The following MYO15A variants were observed in gnomAD, a reference collection of about 807,000 sequenced individuals.
The protein encoded by MYO15A is myosin XVA.
A neutral mutation model predicts 394.6 loss-of-function variants in MYO15A; 308 were observed. The observed-to-expected ratio is 0.78, with a 90% CI of 0.71 to 0.86. The LOEUF (loss-of-function observed/expected upper bound fraction) is 0.86, where lower values mean the gene tolerates loss of function less well. MYO15A is among the 40% of genes least tolerant of loss of function. The pLI, the probability that MYO15A is intolerant of heterozygous loss-of-function variation, is 0.00. For missense variants in MYO15A, 4,606 were observed against 4,799.1 expected (o/e 0.96, Z 1.19); for synonymous variants, 1,957 against 2,003.8 (o/e 0.98, Z 0.62).
rs778098806 is a variant in MYO15A at position 18,151,502 on chromosome 17, C to T, written c.7762C>T (p.Arg2588Trp). 68 of 1,614,194 alleles carry T rather than the reference C, an allele frequency of 4.2e-5. No individual in the cohort carries two copies. Among genetic ancestry groups the T allele is most frequent in the East Asian group, 6.7e-5 (3 of 44,874 alleles). ...NIVRQYQQPF[R>W]GGRPEALRKD... ...TGTCAGGCAGTACCAGCAGCCGTTC[C>T]GGGGAGGCCGGCCTGAGGCCCTCAG... Residue 2588 changes from arginine to tryptophan, a missense_variant, in exon 40 of 66, where the codon CGG becomes TGG. Physicochemically the swap from Arg to Trp is moderately radical, Grantham distance 101. Transcript: ENST00000647165.
chr17:18,150,309 A>G lies in MYO15A; in HGVS notation c.7213-120A>G, dbSNP rs2142366793. ...CTGAGCATACAGCAGACACTGAGCCAGTGGGAGGCTGCCCCCTCCCACGAG... is the reference window on the plus strand; with the variant it reads ...CTGAGCATACAGCAGACACTGAGCCGGTGGGAGGCTGCCCCCTCCCACGAG... On this transcript the variant is annotated intron_variant, in intron 35 of 65. Coordinates refer to ENST00000647165, the MANE Select transcript of MYO15A (RefSeq NM_016239.4). The surrounding 1 kb of genome is among the most constrained non-coding windows in gnomAD (Gnocchi z 4.4). 1.2e-6 allele frequency: 1 copy of G among 846,812 alleles called. No homozygotes were observed. The highest frequency in any genetic ancestry group is 2.0e-6 in the Non-Finnish European group (1 of 500,848). The allele number at this position is 846,812 out of a possible 1,614,324, so 52.5% of individuals were successfully genotyped here. A position where few individuals can be genotyped will look rare whatever the true frequency, so the allele number is the denominator to read the frequency against.
rs2046600089 is a variant in MYO15A, at chr17:18,152,318, T to C, written c.7966+134T>C. On this transcript the variant is annotated intron_variant, in intron 42 of 65. Transcript: ENST00000647165. ...TGTGTACATCTTGTGAGCACATTGG[T>C]GTAATTATAATGTCAATACTTAAGT... 8 of 885,180 alleles carry C rather than the reference T, an allele frequency of 9.0e-6. No homozygotes were observed. The South Asian group carries it at 1.0e-4, about 12-fold the overall frequency. 54.8% of individuals were successfully genotyped at this position (885,180 alleles called of 1,614,324 possible). A position where few individuals can be genotyped will look rare whatever the true frequency, so the allele number is the denominator to read the frequency against.
At chr17:18,166,849 A>G (rs1046044080) in intron 61 of MYO15A, among the ~76,000 whole-genome samples, 1 of 152,066 alleles carries the variant, frequency 6.6e-6, no homozygotes. Context: ...TCCTCTGAAC[A>G]TGGGCCTGTC....
At chr17:18,176,386 G>A (rs991841713) in intron 65 of MYO15A, among the ~76,000 whole-genome samples, 5 of 152,070 alleles carry the variant, frequency 3.3e-5, no homozygotes, top group East Asian at 1.9e-4. Flanking sequence ...CCAAACAGCC[G>A]TCTCTCGTGT....
intron 1 of MYO15A, among the ~76,000 whole-genome samples, chr17:18,113,036 A>G (rs550084508): frequency 6.6e-6 from 1 of 152,114 alleles, no homozygotes; most frequent in Non-Finnish European, 1.5e-5. Flanking sequence ...TTTAGTAGAG[A>G]TGGGGTTTCA....
intron 65 of MYO15A, among the ~76,000 whole-genome samples, chr17:18,174,980 C>T (rs2046993910): frequency 6.6e-6 from 1 of 152,142 alleles, no homozygotes; most frequent in African/African-American, 2.4e-5. Flanking sequence ...TAATGCACTC[C>T]TCACCACACC....
chr17:18,140,452 C>A, intron 19 of MYO15A, 65 bp from the exon 20 acceptor site: 1 of 1,607,942 alleles, frequency 6.2e-7, no homozygotes, highest in Non-Finnish European at 8.5e-7. Flanking sequence ...CCTGCTCTCT[C>A]TTCCTCCTCA....
rs767941041 is a variant in MYO15A, at chr17:18,119,306, C to A, written c.506C>A (p.Ser169Tyr). The A allele has an allele frequency of 6.0e-5, 96 of 1,610,916 alleles. No homozygotes were observed. The highest frequency in any genetic ancestry group is 8.1e-5 in the Non-Finnish European group (96 of 1,179,710). The change falls in exon 2 of 66, where the codon TCC becomes TAC. Residue 169 changes from serine to tyrosine, a missense_variant. By Grantham distance (144) the Ser-to-Tyr change is moderately radical. Around this residue, in one of 2 missense-constraint regions of MYO15A, gnomAD observed 1,830 missense variants for 1,689.7 expected, o/e 1.08. Coordinates refer to ENST00000647165, the MANE Select transcript of MYO15A (RefSeq NM_016239.4). ...CAGCGCTCGAGCTCCCGCATGGGCTCCCGCAAACTCCCCTTCCCGTCGGGT... is the reference window on the plus strand; with the variant it reads ...CAGCGCTCGAGCTCCCGCATGGGCTACCGCAAACTCCCCTTCCCGTCGGGT... ...WLQRSSSRMGSRKLPFPSGAE... is the reference protein window; with the variant it reads ...WLQRSSSRMGYRKLPFPSGAE...
intron 4 of MYO15A, 96 bp downstream of exon 4, chr17:18,125,327 A>G (rs753691148): frequency 8.2e-5 from 99 of 1,206,876 alleles, no homozygotes; most frequent in Non-Finnish European, 1.2e-4. Context: ...TGTGGGCCCT[A>G]GCCCCTGTGG....
chr17:18,141,588 C>T, intron 22 of MYO15A, 65 bp from the exon 23 acceptor site: 1 of 1,479,012 alleles, frequency 6.8e-7, no homozygotes, highest in South Asian at 1.1e-5. Flanking sequence ...GGCAGTAACC[C>T]CATGGTCTAG....
intron 64 of MYO15A, chr17:18,172,573 A>C: frequency 2.1e-6 from 1 of 487,608 alleles, no homozygotes; most frequent in Non-Finnish European, 3.8e-6. Context: ...GCCATAATAA[A>C]AGACCACAGA....
Position 18,132,702 on chromosome 17 carries a change from T to G in MYO15A, c.4320+136T>G. The G allele has an allele frequency of 1.3e-6, 1 of 745,888 alleles. No homozygotes were observed. The highest frequency in any genetic ancestry group is 2.3e-6 in the Non-Finnish European group (1 of 431,118). 46.2% of individuals were successfully genotyped at this position (745,888 alleles called of 1,614,324 possible). On this transcript the variant is annotated intron_variant, in intron 11 of 65. Coordinates refer to ENST00000647165, the MANE Select transcript of MYO15A (RefSeq NM_016239.4). This position sits in a 1 kb window ranked among gnomAD's most constrained non-coding sequence, Gnocchi z 4.6. ...GATTTGGGGAGGGTGAGTTTGGATTTAAGACATCTCATGGCAGTGAGGGGG... is the reference window on the plus strand; with the variant it reads ...GATTTGGGGAGGGTGAGTTTGGATTGAAGACATCTCATGGCAGTGAGGGGG...
At position 18,148,275 on chromosome 17, in the gene MYO15A, G is replaced by A. The variant is rs2046515773; in HGVS notation, c.6691+65G>A. 6.3e-7 allele frequency: 1 copy of A among 1,596,614 alleles called. No homozygotes were observed. The highest frequency in any genetic ancestry group is 1.3e-5 in the African/African-American group (1 of 74,440). On this transcript the variant is annotated intron_variant, in intron 31 of 65. Coordinates refer to ENST00000647165, the MANE Select transcript of MYO15A (RefSeq NM_016239.4). This position sits in a 1 kb window ranked among gnomAD's most constrained non-coding sequence, Gnocchi z 4.8. The stretch of plus-strand genomic sequence containing the variant: ...TCAGCAGGGCCCAGTGAGCCCCGGG[G>A]ATGGCAGAAGCCACTGGATGTTCTG...
At chr17:18,170,288 C>T (rs112212100) in intron 62 of MYO15A, among the ~76,000 whole-genome samples, 82 of 152,068 alleles carry the variant, frequency 5.4e-4, no homozygotes, top group African/African-American at 1.9e-3. Flanking sequence ...TGTATTCCAG[C>T]GCCTGTAACA....
chr17:18,121,802 T>G lies in MYO15A; in HGVS notation c.3002T>G (p.Leu1001Arg). 6.2e-7 allele frequency: 1 copy of G among 1,612,364 alleles called. No homozygotes were observed. Among genetic ancestry groups the G allele is most frequent in the South Asian group, 1.1e-5 (1 of 91,044 alleles). Residue 1001 changes from leucine (L) to arginine (R), a missense_variant, in exon 2 of 66, where the codon CTC becomes CGC. Transcript: ENST00000647165. This position sits in a 1 kb window ranked among gnomAD's most constrained non-coding sequence, Gnocchi z 5.3. ...GRHHEPGPGQ[L>R]TKSAGPTPEK... ...CACCATGAGCCGGGGCCTGGACAGC[T>G]CACCAAATCAGCTGGCCCAACCCCT...
chr17:18,154,125 CT>C lies in MYO15A; in HGVS notation c.8089-5del. ...GACAGTACCCACTGAAGCCCCGCCC[CT>C]GCAGGTGTTTTACCCCAAGGACAGC... On this transcript the variant is annotated splice_region_variant and splice_polypyrimidine_tract_variant and intron_variant, in intron 43 of 65. Coordinates refer to ENST00000647165, the MANE Select transcript of MYO15A (RefSeq NM_016239.4). 6.2e-7 allele frequency: 1 copy of C among 1,613,988 alleles called. No homozygotes were observed. The highest frequency in any genetic ancestry group is 8.5e-7 in the Non-Finnish European group (1 of 1,180,022).
rs67024194 is a variant in MYO15A at position 18,116,929 on chromosome 17, A to AAAG, written c.-219-1651_-219-1650insGAA. 9.8e-3 allele frequency among the ~76,000 whole-genome samples: 1,296 copies of AAAG among 132,236 alleles called. 32 individuals carry two copies. The East Asian group carries it at 0.14, about 15-fold the overall frequency. The allele number at this position is 132,236 out of a possible 152,430, so 86.8% of individuals were successfully genotyped here. A position where few individuals can be genotyped will look rare whatever the true frequency, so the allele number is the denominator to read the frequency against. On this transcript the variant is annotated intron_variant, in intron 1 of 65. Coordinates refer to ENST00000647165, the MANE Select transcript of MYO15A (RefSeq NM_016239.4). ...AGCGAGACTCTGTCTCAAAAAAAAA[A>AAAG]AAAGAAAGAAAGAAAGAACATTGCC...
chr17:18,168,232 T>C (rs1461141638), intron 62 of MYO15A, among the ~76,000 whole-genome samples: 1 of 152,222 alleles, frequency 6.6e-6, no homozygotes, highest in African/African-American at 2.4e-5. Flanking sequence ...GACGGGGTCT[T>C]GCTATGTTGA....
chr17:18,162,067 G>A (rs985396564), intron 57 of MYO15A, among the ~76,000 whole-genome samples: 5 of 152,158 alleles, frequency 3.3e-5, no homozygotes, highest in African/African-American at 1.2e-4. Flanking sequence ...ACCCACAGAT[G>A]AATAGACCCA....
Sources: allele counts gnomAD v4.1 joint callset (sites outside exome capture counted in the v4.1 genomes callset), GRCh38; gene constraint gnomAD v4.1.1; regional missense constraint gnomAD v4.1.1; non-coding constraint Gnocchi (gnomAD v3.1); transcripts MANE v1.5; gene names NCBI Gene and HGNC (gene_info 2026-07-23, HGNC 2026-07-21).